Variants in ATP11A observed in about 807,000 individuals in gnomAD.
The protein encoded by ATP11A is ATPase phospholipid transporting 11A.
ATP11A carries 81 observed loss-of-function variants against 154.4 expected under a neutral mutation model. That is an observed-to-expected ratio of 0.52 (90% CI 0.44 to 0.63). The LOEUF (loss-of-function observed/expected upper bound fraction) is 0.63. Ranked by LOEUF, ATP11A falls within the 30% of genes least tolerant of loss-of-function variation. ATP11A has a pLI of 0.00. For synonymous variants in ATP11A, 623 were observed against 585.9 expected, an observed-to-expected ratio of 1.06 and a Z score of -0.91; for missense variants, 1,316 against 1,474.3, an observed-to-expected ratio of 0.89 and a Z score of 1.76.
At chr13:112,835,545 G>A (rs953841253) in intron 15 of ATP11A, among the ~76,000 whole-genome samples, 8 of 152,284 alleles carry the variant, frequency 5.3e-5, no homozygotes, top group Non-Finnish European at 1.0e-4. Context: ...TAGTGAGGTC[G>A]TGGCCTAGAT....
chr13:112,736,435 C>A (rs1282995580), intron 1 of ATP11A, among the ~76,000 whole-genome samples: 2 of 152,178 alleles, frequency 1.3e-5, no homozygotes, highest in Non-Finnish European at 1.5e-5. Context: ...GAGCTTTCCT[C>A]CTGCGGTAGC....
rs188834200 is a variant in ATP11A, at chr13:112,691,572, T to C, written c.39+1117T>C. On this transcript the variant is annotated intron_variant, in intron 1 of 29. Transcript: ENST00000375645. ...CCACTGTCTTGCACAAGAGGCTTCA[T>C]TGTTCCATAGAGGCTGGCGGTCACT... Among the ~76,000 whole-genome samples, 158 of 151,830 alleles carry C rather than the reference T, an allele frequency of 1.0e-3. No homozygotes were observed. In the East Asian group the frequency reaches 0.013, roughly 12 times the overall value.
At chr13:112,843,330 C>T (rs992464814) in intron 17 of ATP11A, among the ~76,000 whole-genome samples, 8 of 152,150 alleles carry the variant, frequency 5.3e-5, no homozygotes, top group South Asian at 4.1e-4. Context: ...TTGGGTGATG[C>T]GTGGCTGGGT....
chr13:112,837,908 G>A (rs150975429), intron 16 of ATP11A, among the ~76,000 whole-genome samples: 255 of 152,200 alleles, frequency 1.7e-3, no homozygotes, highest in Non-Finnish European at 3.1e-3. Context: ...GCAGCCTCAG[G>A]AGGGAGGAGG....
At chr13:112,850,971 G>A (rs1022733985) in intron 17 of ATP11A, 66 bp from the exon 18 acceptor site, 30 of 1,493,340 alleles carry the variant, frequency 2.0e-5, no homozygotes, top group Middle Eastern at 1.8e-4. Context: ...TGGGAAGGCC[G>A]TGGAGCGTAA....
At chr13:112,702,231 AC>A (rs1886637019) in intron 1 of ATP11A, among the ~76,000 whole-genome samples, 1 of 150,438 alleles carries the variant, frequency 6.6e-6, no homozygotes, top group Admixed American at 6.7e-5. Context: ...CTGTAATCCC[AC>A]CTACTCGGGA....
intron 1 of ATP11A, among the ~76,000 whole-genome samples, chr13:112,692,230 C>T (rs1007080393): frequency 6.6e-6 from 1 of 152,194 alleles, no homozygotes; most frequent in African/African-American, 2.4e-5. Flanking sequence ...AAGGGACTAA[C>T]ACTCACTTTG....
intron 1 of ATP11A, among the ~76,000 whole-genome samples, chr13:112,742,464 T>C (rs146363139): frequency 6.4e-4 from 97 of 152,290 alleles, no homozygotes; most frequent in African/African-American, 2.1e-3. Context: ...GGGGGACTTA[T>C]GACAGGTGCT....
intron 1 of ATP11A, among the ~76,000 whole-genome samples, chr13:112,741,683 G>A (rs1010659462): frequency 2.0e-5 from 3 of 152,120 alleles, no homozygotes; most frequent in Admixed American, 2.0e-4. Flanking sequence ...GTTTGTTCCC[G>A]CCAAGCCACC....
intron 24 of ATP11A, 124 bp downstream of exon 24, chr13:112,860,538 A>AT: frequency 8.7e-7 from 1 of 1,152,952 alleles, no homozygotes; most frequent in Non-Finnish European, 1.2e-6. Context: ...GCATCTGCTG[A>AT]TATTCTTGCT....
chr13:112,774,663 G>C (rs2077303385), intron 1 of ATP11A, among the ~76,000 whole-genome samples: 1 of 152,222 alleles, frequency 6.6e-6, no homozygotes, highest in Non-Finnish European at 1.5e-5. Flanking sequence ...GAGCAGACAG[G>C]GGAGGCTTCG....
intron 1 of ATP11A, among the ~76,000 whole-genome samples, chr13:112,772,860 A>G (rs1370494021): frequency 1.3e-5 from 2 of 152,216 alleles, no homozygotes; most frequent in Non-Finnish European, 2.9e-5. Flanking sequence ...GTCTCTAGAG[A>G]AATTCCGCCT....
chr13:112,843,548 C>T (rs950598836), intron 17 of ATP11A, among the ~76,000 whole-genome samples: 6 of 152,322 alleles, frequency 3.9e-5, no homozygotes, highest in Admixed American at 3.3e-4. Flanking sequence ...AGAGTGGCTA[C>T]GCACTGGAAA....
chr13:112,693,353 C>CGTGGGGTAGTGTATGTGCT, intron 1 of ATP11A, among the ~76,000 whole-genome samples: 1 of 150,198 alleles, frequency 6.7e-6, no homozygotes, highest in African/African-American at 2.5e-5. Flanking sequence ...GCGTGTGTGC[C>CGTGGGGTAGTGTATGTGCT]GTGGGGTAGT....
intron 1 of ATP11A, among the ~76,000 whole-genome samples, chr13:112,776,081 C>G (rs573516193): frequency 3.1e-4 from 47 of 152,338 alleles, no homozygotes; most frequent in African/African-American, 1.1e-3. Context: ...GACCTGCAGG[C>G]TCGGAGTCCG....
At chr13:112,822,795 A>G (rs969237300) in intron 8 of ATP11A, among the ~76,000 whole-genome samples, 1 of 149,508 alleles carries the variant, frequency 6.7e-6, no homozygotes, top group Non-Finnish European at 1.5e-5. Context: ...CTTTTATTTT[A>G]TTTCACATCC....
intron 1 of ATP11A, among the ~76,000 whole-genome samples, chr13:112,692,988 A>G (rs1885372632): frequency 1.3e-5 from 2 of 152,262 alleles, no homozygotes; most frequent in African/African-American, 4.8e-5. Context: ...TGGTGTTCAC[A>G]TAGTCAGAAT....
At chr13:112,873,716 A>G in intron 27 of ATP11A, 40 bp downstream of exon 27, 1 of 1,563,096 alleles carries the variant, frequency 6.4e-7, no homozygotes, top group Non-Finnish European at 8.8e-7. Flanking sequence ...GATAAATATC[A>G]TGTGGTTGTT....
Position 112,857,538 on chromosome 13 carries a change from C to T in ATP11A, c.2419-280C>T, listed in dbSNP as rs144034979. On this transcript the variant is annotated intron_variant, in intron 20 of 29. Transcript: ENST00000375645. ...AATAACTACAAGCTACTTCATATAT[C>T]TCACATCTCTACTGCCAAAGTTTGT... Among the ~76,000 whole-genome samples, 460 of 152,342 alleles carry T rather than the reference C, an allele frequency of 3.0e-3. 1 individual carries two copies. Among genetic ancestry groups the T allele is most frequent in the African/African-American group, 7.7e-3 (320 of 41,572 alleles).
Sources: gnomAD v4.1 joint callset for allele counts (sites outside exome capture counted in the v4.1 genomes callset) on GRCh38, gnomAD v4.1.1 for gene constraint, MANE v1.5 for transcripts, NCBI Gene and HGNC (gene_info 2026-07-23, HGNC 2026-07-21) for gene names.